AHNAK: variants seen among roughly 807,000 people sequenced by gnomAD.
AHNAK encodes neuroblast differentiation-associated protein AHNAK.
A neutral mutation model predicts 37.8 loss-of-function variants in AHNAK; 23 were observed. The observed-to-expected ratio is 0.61, with a 90% CI of 0.44 to 0.86. The LOEUF is 0.86. Among genes scored for constraint, AHNAK ranks in the 40% least tolerant of loss-of-function variants. The pLI, the probability that AHNAK is intolerant of heterozygous loss-of-function variation, is 0.00. For synonymous variants in AHNAK, 2,481 were observed against 2,636.3 expected (o/e 0.94, Z 1.80); for missense variants, 7,411 against 7,319.4 (o/e 1.01, Z -0.46).
Position 62,435,568 on chromosome 11 carries a change from T to A in AHNAK, c.443-1677A>T, listed in dbSNP as rs534352584. Among the ~76,000 whole-genome samples, 4 of 152,170 alleles carry A rather than the reference T, an allele frequency of 2.6e-5. No homozygotes were observed. The South Asian group carries it at 6.2e-4, about 24-fold the overall frequency. ...CTGGGGACTACAGGCGCCCGTCACC[T>A]CGCCCGGCTAATTTTTTTGTATTTT... On this transcript the variant is annotated intron_variant, in intron 5 of 5. Coordinates refer to the AHNAK transcript ENST00000257247.
rs200981877 is a variant in AHNAK at position 62,523,646 on chromosome 11, C to T, written c.10771G>A (p.Val3591Met). 21 of 1,613,974 alleles carry T rather than the reference C, an allele frequency of 1.3e-5. No individual in the cohort carries two copies. Among genetic ancestry groups the T allele is most frequent in the African/African-American group, 6.7e-5 (5 of 74,868 alleles). ...TGCCAGTCTGGACCATGAACATCCA[C>T]ATCTGGGGCATTGATGTCCACTTTA... ...GPKVDINAPD[V>M]DVHGPDWHLK... is the part of the protein sequence containing the mutation. Residue 3591 changes from valine to methionine, a missense_variant, in exon 5 of 5, where the codon GTG (valine) becomes ATG (methionine). By Grantham distance (21) the Val-to-Met change is conservative (BLOSUM62 1). Transcript: ENST00000378024.
intron 5 of AHNAK, among the ~76,000 whole-genome samples, chr11:62,450,208 T>G (rs1398188588): frequency 6.6e-6 from 1 of 151,866 alleles, no homozygotes; most frequent in African/African-American, 2.4e-5. Context: ...CAGGCTGCAG[T>G]GCAATGGTGT....
Position 62,528,634 on chromosome 11 carries a change from T to C in AHNAK, c.5783A>G (p.Asp1928Gly), listed in dbSNP as rs1345456659. The change falls in exon 5 of 5, where the codon GAC (aspartate) becomes GGC (glycine). Residue 1928 changes from aspartate to glycine, a missense_variant. Coordinates refer to ENST00000378024, the MANE Select transcript of AHNAK (RefSeq NM_001620.3). ...GACTTTGGGGCCTTTCAAGTGTAAGTCCACATCAGGCATGGAGATCTTGGG... is the reference window on the plus strand; with the variant it reads ...GACTTTGGGGCCTTTCAAGTGTAAGCCCACATCAGGCATGGAGATCTTGGG... ...KAPKISMPDV[D>G]LHLKGPKVKG... is the part of the protein sequence containing the mutation. The C allele has an allele frequency of 6.2e-7, 1 of 1,609,684 alleles. No homozygotes were observed. Among genetic ancestry groups the C allele is most frequent in the South Asian group, 1.1e-5 (1 of 90,698 alleles).
In AHNAK at chr11:62,524,160, G is replaced by C. The variant is rs570439348; in HGVS notation, c.10257C>G (p.Asp3419Glu). 2 of 1,614,036 alleles carry C rather than the reference G, an allele frequency of 1.2e-6. No homozygotes were observed. The highest frequency in any genetic ancestry group is 2.2e-5 in the East Asian group (1 of 44,884). ...TGGGACTTTTCAAATTTAGCTCCAC[G>C]TCAGGCATAGAAACTTTGGGAGATG... ...SISSPKVSMPDVELNLKSPKV... is the reference protein window; with the variant it reads ...SISSPKVSMPEVELNLKSPKV... The change falls in exon 5 of 5, where the codon GAC becomes GAG. Residue 3419 changes from aspartate to glutamate, a missense_variant. Asp to Glu is a conservative substitution (Grantham distance 45). Coordinates refer to ENST00000378024, the MANE Select transcript of AHNAK (RefSeq NM_001620.3).
chr11:62,437,244 A>T (rs1207952287), intron 5 of AHNAK, among the ~76,000 whole-genome samples: 1 of 152,090 alleles, frequency 6.6e-6, no homozygotes, highest in Non-Finnish European at 1.5e-5. Flanking sequence ...TCACCAATTT[A>T]TTTCTCCAAT....
intron 5 of AHNAK, among the ~76,000 whole-genome samples, chr11:62,475,490 G>A (rs1251551452): frequency 2.0e-5 from 3 of 151,932 alleles, no homozygotes; most frequent in Non-Finnish European, 4.4e-5. Context: ...AAAGAAGGGA[G>A]CAACTGACAC....
intron 5 of AHNAK, among the ~76,000 whole-genome samples, chr11:62,434,855 C>T (rs896960246): frequency 4.9e-5 from 7 of 143,632 alleles, no homozygotes; most frequent in East Asian, 2.1e-4. Flanking sequence ...CACTTGAATC[C>T]GGGAGGCAGA....
Position 62,519,822 on chromosome 11 carries a change from T to A in AHNAK, c.14595A>T (p.Gly4865=). The A allele has an allele frequency of 6.2e-7, 1 of 1,614,106 alleles. No individual in the cohort carries two copies. Among genetic ancestry groups the A allele is most frequent in the Non-Finnish European group, 8.5e-7 (1 of 1,179,984 alleles). Residue 4865 remains glycine, a synonymous_variant, in exon 5 of 5, where the codon GGA becomes GGT. Transcript: ENST00000378024. Reference sequence around the variant, plus strand: ...CCTTAGGGACAGACACATCAAAATCTCCTTTTACTTTGGGTCCTTTCAAAT... The same window carrying A: ...CCTTAGGGACAGACACATCAAAATCACCTTTTACTTTGGGTCCTTTCAAAT... ...DLDLKGPKVK[G]DFDVSVPKVE...
chr11:62,515,502 G>A (rs895596964), downstream of AHNAK, among the ~76,000 whole-genome samples: 6 of 152,212 alleles, frequency 3.9e-5, no homozygotes, highest in East Asian at 9.6e-4. Context: ...GGGCAACAGC[G>A]GTTACTCAGC....
At position 62,468,052 on chromosome 11, in the gene AHNAK, T is replaced by G. The variant is rs138859270; in HGVS notation, c.442+23680A>C. On this transcript the variant is annotated intron_variant, in intron 5 of 5. Coordinates refer to the AHNAK transcript ENST00000257247. ...GGGATGATGATATTAGTTATATTAA[T>G]TACATGGTGATTTGGCTGGGCACAG... Among the ~76,000 whole-genome samples the G allele has an allele frequency of 8.0e-4, 122 of 152,002 alleles. 2 individuals are homozygous for G. The East Asian group carries it at 0.022, about 28-fold the overall frequency.
Position 62,523,344 on chromosome 11 carries a change from C to G in AHNAK, c.11073G>C (p.Val3691=). 6.2e-7 allele frequency: 1 copy of G among 1,612,954 alleles called. No individual in the cohort carries two copies. Residue 3691 remains valine (V), a synonymous_variant, in exon 5 of 5, where the codon GTG becomes GTC. Transcript: ENST00000378024. The part of the protein sequence containing the change: ...KGPKMKGDVV[V]SLPKVEGDLK... ...GATCACCTTCCACTTTGGGCAAAGA[C>G]ACAACCACATCACCCTTCATTTTGG...
rs138488268 is a variant in AHNAK, at chr11:62,477,727, G to A, written c.442+14005C>T. 8.7e-3 allele frequency among the ~76,000 whole-genome samples: 1,318 copies of A among 152,100 alleles called. 16 individuals carry two copies. Among genetic ancestry groups the A allele is most frequent in the African/African-American group, 0.029 (1,203 of 41,498 alleles). On this transcript the variant is annotated intron_variant, in intron 5 of 5. Transcript: ENST00000257247. ...TGAGGCAGGAGAATCACTTGAACCC[G>A]GGAGGCGGAGGTTGCAGTGAGCTGA...
At position 62,526,193 on chromosome 11, in the gene AHNAK, C is replaced by A. The variant is rs1385680639; in HGVS notation, c.8224G>T (p.Asp2742Tyr). 2.5e-6 allele frequency: 4 copies of A among 1,613,828 alleles called. No homozygotes were observed. Among genetic ancestry groups the A allele is most frequent in the Non-Finnish European group, 3.4e-6 (4 of 1,179,978 alleles). Residue 2742 changes from aspartate to tyrosine, a missense_variant, in exon 5 of 5, where the codon GAC (aspartate) becomes TAC (tyrosine). By Grantham distance (160) the Asp-to-Tyr change is radical. Transcript: ENST00000378024. The part of the protein sequence containing the change: ...VEGDLKGPEV[D>Y]IKGPKVDIDA... ...ATGTCCACTTTTGGGCCCTTGATGT[C>A]AACTTCTGGGCCCTTGAGGTCACCT...
At position 62,526,467 on chromosome 11, in the gene AHNAK, G is replaced by A; in HGVS notation, c.7950C>T (p.Gly2650=). Residue 2650 remains glycine (G), a synonymous_variant, in exon 5 of 5, where the codon GGC becomes GGT. Coordinates refer to ENST00000378024, the MANE Select transcript of AHNAK (RefSeq NM_001620.3). ...CCCCATCTGGGCCCTCTCCTTTGAA[G>A]CCAGGCATGCTGAACTTTGGCATTT... ...KVKMPKFSMP[G]FKGEGPDGDV... The A allele has an allele frequency of 6.2e-7, 1 of 1,612,600 alleles. No homozygotes were observed. The highest frequency in any genetic ancestry group is 8.5e-7 in the Non-Finnish European group (1 of 1,179,526).
At chr11:62,435,025 C>T (rs76061648) in intron 5 of AHNAK, among the ~76,000 whole-genome samples, 3,468 of 151,428 alleles carry the variant, frequency 0.023, 145 homozygotes, top group African/African-American at 0.078. Context: ...CTAGTCCCTA[C>T]ACAAGTTTCA....
chr11:62,489,613 C>T (rs1939462134), intron 5 of AHNAK, among the ~76,000 whole-genome samples: 1 of 151,982 alleles, frequency 6.6e-6, no homozygotes, highest in African/African-American at 2.4e-5. Flanking sequence ...GTGTGGTAGC[C>T]AGATGGTTAG....
In AHNAK at chr11:62,520,694, T is replaced by C; in HGVS notation, c.13723A>G (p.Lys4575Glu). 6.2e-7 allele frequency: 1 copy of C among 1,614,142 alleles called. No individual in the cohort carries two copies. The highest frequency in any genetic ancestry group is 8.5e-7 in the Non-Finnish European group (1 of 1,180,028). The change falls in exon 5 of 5, where the codon AAA becomes GAA. Residue 4575 changes from lysine (K) to glutamate (E), a missense_variant. Lys to Glu is a moderately conservative substitution (Grantham distance 56). Coordinates refer to ENST00000378024, the MANE Select transcript of AHNAK (RefSeq NM_001620.3). Reference protein sequence around the residue: ...PDIDIHGPEGKLKGPKFKMPD... With the variant: ...PDIDIHGPEGELKGPKFKMPD... ...ATTTTAAATTTGGGGCCCTTCAGTT[T>C]CCCTTCTGGACCATGAATGTCAATA...
At chr11:62,453,653 G>A (rs548617295) in intron 5 of AHNAK, among the ~76,000 whole-genome samples, 29 of 152,274 alleles carry the variant, frequency 1.9e-4, no homozygotes, top group African/African-American at 7.0e-4. Flanking sequence ...AAAAGGGGTG[G>A]GTGACTTGAG....
chr11:62,512,783 G>C (rs574895065), downstream of AHNAK, among the ~76,000 whole-genome samples: 1 of 151,134 alleles, frequency 6.6e-6, no homozygotes, highest in Non-Finnish European at 1.5e-5. The surrounding 1 kb of genome is among the most constrained non-coding windows in gnomAD (Gnocchi z 4.0). Context: ...TTGAGCTTGA[G>C]AGGTGGAGGT....
Sources: gnomAD v4.1 joint callset for allele counts (sites outside exome capture counted in the v4.1 genomes callset) on GRCh38, gnomAD v4.1.1 for gene constraint, Gnocchi (gnomAD v3.1) non-coding constraint, MANE v1.5 for transcripts, NCBI Gene and HGNC (gene_info 2026-07-23, HGNC 2026-07-21) for gene names.